The following ANO4 variants were observed in gnomAD, a reference collection of about 807,000 sequenced individuals.
ANO4 encodes anoctamin-4.
Under a neutral mutation model 141.9 loss-of-function variants are expected in ANO4, and 69 were observed. That is an observed-to-expected ratio of 0.49 (90% confidence interval 0.40 to 0.59). The LOEUF (loss-of-function observed/expected upper bound fraction) is 0.59, where lower values mean the gene tolerates loss of function less well. Ranked by LOEUF, ANO4 falls within the 20% of genes least tolerant of loss-of-function variation. The pLI is 0.00. For missense variants in ANO4, 894 were observed against 1,162.2 expected, an observed-to-expected ratio of 0.77 and a Z score of 3.36; for synonymous variants, 350 against 394.3, an observed-to-expected ratio of 0.89 and a Z score of 1.33.
chr12:100,803,500 T>G (rs995300313), intron 1 of ANO4, among the ~76,000 whole-genome samples: 4 of 152,342 alleles, frequency 2.6e-5, no homozygotes, highest in African/African-American at 9.6e-5. Context: ...ATTCCCATCC[T>G]ATATTTTGTG....
intron 22 of ANO4, among the ~76,000 whole-genome samples, chr12:101,100,813 T>A (rs1593269191): frequency 6.6e-6 from 1 of 152,222 alleles, no homozygotes; most frequent in Non-Finnish European, 1.5e-5. Flanking sequence ...CACTTTGTTA[T>A]GTACTTTAAA....
intron 1 of ANO4, among the ~76,000 whole-genome samples, chr12:100,840,188 CTT>C (rs1479277661): frequency 6.6e-6 from 1 of 152,124 alleles, no homozygotes; most frequent in African/African-American, 2.4e-5. Context: ...TACCCGTTCT[CTT>C]TCCTTCTCAA....
intron 1 of ANO4, among the ~76,000 whole-genome samples, chr12:100,833,301 A>C (rs1487897677): frequency 6.6e-6 from 1 of 152,148 alleles, no homozygotes; most frequent in Non-Finnish European, 1.5e-5. Context: ...GATGCAGCTC[A>C]AGATAAACAT....
chr12:100,896,586 T>C (rs1305132487), intron 1 of ANO4, among the ~76,000 whole-genome samples: 1 of 152,186 alleles, frequency 6.6e-6, no homozygotes, highest in Non-Finnish European at 1.5e-5. Context: ...AACTGTGAGA[T>C]GATAAAATCT....
At chr12:100,980,253 T>G (rs1243487300) in intron 7 of ANO4, among the ~76,000 whole-genome samples, 1 of 152,216 alleles carries the variant, frequency 6.6e-6, no homozygotes, top group Non-Finnish European at 1.5e-5. Flanking sequence ...CTTCATTGCA[T>G]ACCACATAGA....
rs1403935017 is a variant in ANO4 at position 101,068,803 on chromosome 12, A to G, written c.1313-10390A>G. The G allele has an allele frequency of 3.4e-6, 4 of 1,166,396 alleles. No individual in the cohort carries two copies. In the South Asian group the frequency reaches 3.7e-5, roughly 11 times the overall value. 72.3% of individuals were successfully genotyped at this position (1,166,396 alleles called of 1,614,324 possible). ...CCTGGCTTTAGAAGAGCCCACAGTC[A>G]TCAAAAAGTATCTATTGAAGGTTGC... is the stretch of plus-strand genomic sequence containing the variant. On this transcript the variant is annotated intron_variant, in intron 14 of 27. Coordinates refer to ENST00000392977, the MANE Select transcript of ANO4 (RefSeq NM_001286615.2).
intron 22 of ANO4, among the ~76,000 whole-genome samples, chr12:101,105,548 C>A (rs1038575772): frequency 4.6e-5 from 7 of 152,124 alleles, no homozygotes; most frequent in Non-Finnish European, 1.0e-4. Context: ...TCTAGAGCCT[C>A]TACATGTGTG....
At chr12:100,737,516 T>C (rs1477509880) in intron 2 of ANO4, among the ~76,000 whole-genome samples, 1 of 152,102 alleles carries the variant, frequency 6.6e-6, no homozygotes, top group East Asian at 1.9e-4. Flanking sequence ...CCTGAGGCTT[T>C]TGGACAGGGA....
intron 1 of ANO4, among the ~76,000 whole-genome samples, chr12:100,834,853 A>G (rs539897731): frequency 1.3e-5 from 2 of 152,268 alleles, no homozygotes; most frequent in South Asian, 4.1e-4. Context: ...CAGATATATG[A>G]GGGAAGAGTG....
intron 1 of ANO4, among the ~76,000 whole-genome samples, chr12:100,840,197 T>C (rs2037166783): frequency 6.6e-6 from 1 of 152,130 alleles, no homozygotes; most frequent in African/African-American, 2.4e-5. Flanking sequence ...TCTTTCCTTC[T>C]CAAGGAGGAA....
At chr12:101,010,059 T>C (rs74750174) in intron 8 of ANO4, among the ~76,000 whole-genome samples, 6,245 of 152,216 alleles carry the variant, frequency 0.041, 214 homozygotes, top group East Asian at 0.11. Context: ...TGGTTTAGCA[T>C]TCAGTTTTTT....
At position 100,766,942 on chromosome 12, in the gene ANO4, A is replaced by C. The variant is rs558887302; in HGVS notation, c.358+26837A>C. 1.3e-5 allele frequency among the ~76,000 whole-genome samples: 2 copies of C among 151,938 alleles called. 1 individual carries two copies. Among genetic ancestry groups the C allele is most frequent in the South Asian group, 4.2e-4 (2 of 4,818 alleles). On this transcript the variant is annotated intron_variant, in intron 3 of 29. Transcript: ENST00000644049. ...ATTGTTGTATCTTCTTGATGAATTGACCTCTTTATCATCATATAATCATCT... is the reference window on the plus strand; with the variant it reads ...ATTGTTGTATCTTCTTGATGAATTGCCCTCTTTATCATCATATAATCATCT...
intron 1 of ANO4, among the ~76,000 whole-genome samples, chr12:100,809,988 G>A (rs2035298877): frequency 6.6e-6 from 1 of 152,134 alleles, no homozygotes; most frequent in African/African-American, 2.4e-5. Flanking sequence ...TGTGCTGGAT[G>A]CTAGGCATGC....
intron 1 of ANO4, among the ~76,000 whole-genome samples, chr12:100,805,323 AC>A (rs1289895007): frequency 6.6e-6 from 1 of 152,082 alleles, no homozygotes; most frequent in Non-Finnish European, 1.5e-5. Flanking sequence ...CTGTTTTTGT[AC>A]CAGTACCATG....
Position 101,086,674 on chromosome 12 carries a change from T to G in ANO4, c.1551T>G (p.Ile517Met). 1.2e-6 allele frequency: 2 copies of G among 1,613,682 alleles called. No individual in the cohort carries two copies. Among genetic ancestry groups the G allele is most frequent in the Non-Finnish European group, 1.7e-6 (2 of 1,179,760 alleles). Residue 517 changes from isoleucine to methionine, a missense_variant, in exon 17 of 28, where the codon ATT (isoleucine) becomes ATG (methionine). Transcript: ENST00000392977. The part of the protein sequence containing the change: ...SGIFFMICVV[I>M]AAVFGIVIYR... The stretch of plus-strand genomic sequence containing the variant: ...CTTCCTGCCAGATCTGCGTGGTGAT[T>G]GCTGCCGTGTTCGGGATCGTCATTT...
chr12:101,039,672 G>C (rs780413641), intron 10 of ANO4, among the ~76,000 whole-genome samples: 3 of 152,172 alleles, frequency 2.0e-5, no homozygotes, highest in Non-Finnish European at 4.4e-5. Context: ...AGCATTTAGG[G>C]AACTTGCCCA....
chr12:100,858,383 A>C (rs957461881), intron 1 of ANO4, among the ~76,000 whole-genome samples: 2 of 152,178 alleles, frequency 1.3e-5, no homozygotes, highest in Non-Finnish European at 1.5e-5. Context: ...TGGGACCGCC[A>C]TCATATATGT....
At chr12:101,122,339 T>G (rs1400918660) in intron 26 of ANO4, among the ~76,000 whole-genome samples, 1 of 152,228 alleles carries the variant, frequency 6.6e-6, no homozygotes, top group Non-Finnish European at 1.5e-5. Flanking sequence ...TTCTGTACGG[T>G]GTCTGTTTAC....
intron 5 of ANO4, among the ~76,000 whole-genome samples, chr12:100,969,981 A>C (rs1422819095): frequency 6.6e-6 from 1 of 152,182 alleles, no homozygotes; most frequent in East Asian, 1.9e-4. Flanking sequence ...TTTTGTCCAG[A>C]GGCATAGACC....
Sources: allele counts gnomAD v4.1 joint callset (sites outside exome capture counted in the v4.1 genomes callset), GRCh38; gene constraint gnomAD v4.1.1; transcripts MANE v1.5; gene names NCBI Gene and HGNC (gene_info 2026-07-23, HGNC 2026-07-21).